BRINP3: variants seen among roughly 807,000 people sequenced by gnomAD.
BRINP3 encodes the protein BMP/retinoic acid-inducible neural-specific protein 3.
Under a neutral mutation model 71.0 loss-of-function variants are expected in BRINP3, and 19 were observed. That is an observed-to-expected ratio of 0.27 (90% confidence interval 0.19 to 0.39). The LOEUF (loss-of-function observed/expected upper bound fraction) is 0.39. Ranked by LOEUF, BRINP3 falls within the 10% of genes least tolerant of loss-of-function variation. The pLI is 1.00. For synonymous variants in BRINP3, 380 were observed against 337.7 expected, an observed-to-expected ratio of 1.13 and a Z score of -1.37; for missense variants, 959 against 940.8, an observed-to-expected ratio of 1.02 and a Z score of -0.25.
intron 3 of BRINP3, among the ~76,000 whole-genome samples, chr1:190,277,087 T>TTTTATATATATATATATATATATA (rs1290283215): frequency 1.2e-3 from 42 of 36,020 alleles, no homozygotes; most frequent in Non-Finnish European, 2.1e-3. Context: ...AATTTTGGTT[T>TTTTATATATATATATATATATATA]TATATATATA....
intron 5 of BRINP3, among the ~76,000 whole-genome samples, chr1:190,230,624 C>A (rs905537114): frequency 6.6e-6 from 1 of 151,530 alleles, no homozygotes; most frequent in African/African-American, 2.4e-5. Context: ...AAAATTTGAA[C>A]AAGATATACA....
At chr1:190,418,031 T>A (rs1477010446) in intron 2 of BRINP3, among the ~76,000 whole-genome samples, 2 of 152,194 alleles carry the variant, frequency 1.3e-5, no homozygotes, top group Non-Finnish European at 2.9e-5. Flanking sequence ...AGATTTACAA[T>A]CAATCCCTCT....
chr1:190,343,807 G>T (rs888521389), intron 2 of BRINP3, among the ~76,000 whole-genome samples: 1 of 151,460 alleles, frequency 6.6e-6, no homozygotes, highest in Admixed American at 6.6e-5. Flanking sequence ...AAAATGAAAT[G>T]GGCTGTATCA....
At chr1:190,191,366 T>G (rs770945707) in intron 6 of BRINP3, among the ~76,000 whole-genome samples, 1 of 152,002 alleles carries the variant, frequency 6.6e-6, no homozygotes, top group Middle Eastern at 3.2e-3. Context: ...CCATGGTAGT[T>G]TGCTGCACCT....
rs962641614 is a variant in BRINP3, at chr1:190,219,871, T to A, written c.961+6211A>T. 8.0e-5 allele frequency among the ~76,000 whole-genome samples: 12 copies of A among 150,094 alleles called. 1 individual carries two copies. Among genetic ancestry groups the A allele is most frequent in the South Asian group, 6.3e-4 (3 of 4,744 alleles). ...AAATAATAATAATAATAATAAATTT[T>A]AAAAAAAGGGAAATACACAGTCAGA... On this transcript the variant is annotated intron_variant, in intron 6 of 7. Coordinates refer to ENST00000367462, the MANE Select transcript of BRINP3 (RefSeq NM_199051.3).
At chr1:190,252,500 T>G (rs773804378) in intron 4 of BRINP3, among the ~76,000 whole-genome samples, 1 of 152,194 alleles carries the variant, frequency 6.6e-6, no homozygotes, top group East Asian at 1.9e-4. Context: ...TGAGGATTCC[T>G]GTGAAACTTT....
chr1:190,426,148 T>C (rs1467547142), intron 2 of BRINP3, among the ~76,000 whole-genome samples: 1 of 151,712 alleles, frequency 6.6e-6, no homozygotes, highest in Non-Finnish European at 1.5e-5. Context: ...AATGAAAAAA[T>C]ATATATCCAA....
chr1:190,394,976 G>T (rs1671477979), intron 2 of BRINP3, among the ~76,000 whole-genome samples: 1 of 151,624 alleles, frequency 6.6e-6, no homozygotes, highest in African/African-American at 2.4e-5. Context: ...TAAAGATTTA[G>T]TAAATCCACT....
At chr1:190,330,706 A>G (rs1666908533) in intron 2 of BRINP3, among the ~76,000 whole-genome samples, 1 of 152,124 alleles carries the variant, frequency 6.6e-6, no homozygotes, top group Admixed American at 6.6e-5. Context: ...CACTATTCTC[A>G]ATAGCAAAGA....
At chr1:190,353,780 C>A (rs950274349) in intron 2 of BRINP3, among the ~76,000 whole-genome samples, 1 of 152,000 alleles carries the variant, frequency 6.6e-6, no homozygotes. Flanking sequence ...TTCCACCAGA[C>A]ATGACTGTCT....
intron 2 of BRINP3, among the ~76,000 whole-genome samples, chr1:190,398,490 C>A (rs1143860): frequency 0.75 from 113,305 of 151,740 alleles, 42,599 homozygotes; most frequent in Non-Finnish European, 0.79. Context: ...TAACGCTGAA[C>A]AAATGAGTAT....
intron 7 of BRINP3, among the ~76,000 whole-genome samples, chr1:190,103,815 G>A (rs921006216): frequency 5.3e-5 from 8 of 151,626 alleles, no homozygotes; most frequent in African/African-American, 1.9e-4. Context: ...AGAAGAATAA[G>A]CCACACACTA....
intron 3 of BRINP3, among the ~76,000 whole-genome samples, chr1:190,277,250 T>C (rs1481904272): frequency 1.3e-5 from 2 of 150,548 alleles, no homozygotes; most frequent in Non-Finnish European, 3.0e-5. Flanking sequence ...AGGCATAGTG[T>C]AGGAAAGAGG....
intron 2 of BRINP3, among the ~76,000 whole-genome samples, chr1:190,376,978 CA>C (rs1468590704): frequency 1.3e-5 from 2 of 151,882 alleles, no homozygotes; most frequent in Non-Finnish European, 2.9e-5. Context: ...CTCTATCCTC[CA>C]ATTTGATGGT....
intron 6 of BRINP3, among the ~76,000 whole-genome samples, chr1:190,188,072 T>A (rs894239550): frequency 6.6e-6 from 1 of 152,086 alleles, no homozygotes; most frequent in Admixed American, 6.6e-5. Context: ...TGTTTTATAG[T>A]TTCATTGTAG....
intron 7 of BRINP3, among the ~76,000 whole-genome samples, chr1:190,138,133 T>C (rs974280380): frequency 6.6e-6 from 1 of 152,122 alleles, no homozygotes; most frequent in Admixed American, 6.5e-5. Flanking sequence ...TTTGTATTTT[T>C]AGTAAAGACG....
chr1:190,237,622 C>T (rs1658650351), intron 4 of BRINP3, among the ~76,000 whole-genome samples: 1 of 151,960 alleles, frequency 6.6e-6, no homozygotes, highest in Non-Finnish European at 1.5e-5. Flanking sequence ...TTTTGCCAGA[C>T]ATGAAAATGG....
At position 190,267,824 on chromosome 1, in the gene BRINP3, C is replaced by T. The variant is rs866325022; in HGVS notation, c.428-2769G>A. ...ATTAGGTGTTACAGAACACCTTCCCCACAACCCCCCAAAAAATTAACATAC... is the reference window on the plus strand; with the variant it reads ...ATTAGGTGTTACAGAACACCTTCCCTACAACCCCCCAAAAAATTAACATAC... On this transcript the variant is annotated intron_variant, in intron 3 of 7. Transcript: ENST00000367462. Among the ~76,000 whole-genome samples, 59 of 151,960 alleles carry T rather than the reference C, an allele frequency of 3.9e-4. 1 individual carries two copies. The highest frequency in any genetic ancestry group is 4.6e-4 in the Admixed American group (7 of 15,242).
In BRINP3 at chr1:190,456,450, A is replaced by C. The variant is rs181933111; in HGVS notation, c.-50-1510T>G. Among the ~76,000 whole-genome samples, 506 of 152,288 alleles carry C rather than the reference A, an allele frequency of 3.3e-3. 1 individual carries two copies. Among genetic ancestry groups the C allele is most frequent in the South Asian group, 0.014 (67 of 4,826 alleles). Reference sequence around the variant, plus strand: ...ATGATTTTCTATAAGAAGGAATATTATAATAGAAGAATTTTGGAATAGGAG... The same window carrying C: ...ATGATTTTCTATAAGAAGGAATATTCTAATAGAAGAATTTTGGAATAGGAG... On this transcript the variant is annotated intron_variant, in intron 1 of 7. Coordinates refer to ENST00000367462, the MANE Select transcript of BRINP3 (RefSeq NM_199051.3).
Sources: gnomAD v4.1 joint callset for allele counts (sites outside exome capture counted in the v4.1 genomes callset) on GRCh38, gnomAD v4.1.1 for gene constraint, MANE v1.5 for transcripts, NCBI Gene and HGNC (gene_info 2026-07-23, HGNC 2026-07-21) for gene names.